ADGRE2: variants seen among roughly 807,000 people sequenced by gnomAD.
ADGRE2 encodes the protein adhesion G protein-coupled receptor E2.
ADGRE2 carries 83 observed loss-of-function variants against 100.8 expected under a neutral mutation model. The observed-to-expected ratio is 0.82, with a 90% confidence interval of 0.69 to 0.99. The LOEUF (loss-of-function observed/expected upper bound fraction) is 0.99. Among genes scored for constraint, ADGRE2 ranks in the 50% least tolerant of loss-of-function variants. The probability of loss-of-function intolerance (pLI) is 0.00; values close to 1 mark genes in which losing one functional copy is unlikely to be tolerated. For synonymous variants in ADGRE2, 355 were observed against 413.0 expected (o/e 0.86, Z 1.70); for missense variants, 814 against 1,035.7 (o/e 0.79, Z 2.94).
rs1167741751 is a variant in ADGRE2, at chr19:14,752,424, G to T, written c.1693C>A (p.Gln565Lys). The T allele has an allele frequency of 2.5e-6, 4 of 1,601,910 alleles. No homozygotes were observed. The East Asian group carries it at 8.9e-5, about 36-fold the overall frequency. The change falls in exon 15 of 21, where the codon CAG becomes AAG. Residue 565 changes from glutamine (Q) to lysine (K), a missense_variant. This residue lies in a region of ADGRE2 where 569 missense variants were observed against 692.7 expected (regional missense o/e 0.82). Coordinates refer to ENST00000315576, the MANE Select transcript of ADGRE2 (RefSeq NM_013447.4). ...ALTFLLCKAI[Q>K]NTSTSLHLQL... ...AGATGCAGTGAGGTGCTGGTGTTCT[G>T]GATGGCTTTACACAGGAGAAAAGTG...
At position 14,752,161 on chromosome 19, in the gene ADGRE2, G is replaced by A. The variant is rs549621790; in HGVS notation, c.1788+168C>T. ...TTGGTCAGGCTGGTCTCAAACTCCC[G>A]ACCTGAGGTGATCCGCCCACCTCAG... On this transcript the variant is annotated intron_variant, in intron 15 of 20. Transcript: ENST00000315576. 3.9e-5 allele frequency among the ~76,000 whole-genome samples: 6 copies of A among 151,988 alleles called. No individual in the cohort carries two copies. In the South Asian group the frequency reaches 6.2e-4, roughly 16 times the overall value.
chr19:14,725,826 G>A, the ADGRE2 span, among the ~76,000 whole-genome samples: 1 of 152,336 alleles, frequency 6.6e-6, no homozygotes, highest in African/African-American at 2.4e-5. Context: ...ATGGGTTGGA[G>A]TTGAGTGCCT....
chr19:14,775,475 T>TG (rs759168206), intron 2 of ADGRE2, among the ~76,000 whole-genome samples: 7 of 151,980 alleles, frequency 4.6e-5, no homozygotes, highest in Non-Finnish European at 8.8e-5. Flanking sequence ...ATGAGCCTGG[T>TG]GGGGGTCTCA....
At chr19:14,777,477 AAATT>A (rs111477669) in intron 1 of ADGRE2, among the ~76,000 whole-genome samples, 34 of 151,204 alleles carry the variant, frequency 2.2e-4, no homozygotes, top group East Asian at 1.4e-3. Context: ...CTTTCTTTTT[AAATT>A]AATTAATTAA....
At position 14,776,875 on chromosome 19, in the gene ADGRE2, AG is replaced by A. The variant is rs1017975819; in HGVS notation, c.-120del. 1.6e-5 allele frequency: 24 copies of A among 1,528,308 alleles called. No individual in the cohort carries two copies. The highest frequency in any genetic ancestry group is 1.7e-4 in the Middle Eastern group (1 of 5,818). The allele number at this position is 1,528,308 out of a possible 1,614,324, so 94.7% of individuals were successfully genotyped here. On this transcript the variant is annotated 5_prime_UTR_variant, in exon 2 of 21. Coordinates refer to ENST00000315576, the MANE Select transcript of ADGRE2 (RefSeq NM_013447.4). The stretch of plus-strand genomic sequence containing the variant: ...TCCCGAGGCCAGGACTTTATAAAGG[AG>A]GGGGGGCGGACAGCCGCTGGCCCAG...
At chr19:14,756,126 C>T (rs745748015) in intron 12 of ADGRE2, 112 bp downstream of exon 12, 8 of 908,694 alleles carry the variant, frequency 8.8e-6, no homozygotes, top group Non-Finnish European at 1.4e-5. Context: ...TACAGCCCCA[C>T]TCCAAACATC....
intron 20 of ADGRE2, among the ~76,000 whole-genome samples, chr19:14,737,512 A>G (rs905281096): frequency 3.3e-5 from 5 of 152,044 alleles, no homozygotes; most frequent in Non-Finnish European, 7.4e-5. Context: ...CTTTAATCAT[A>G]AGGTTTTCTT....
chr19:14,776,821 C>A lies in ADGRE2; in HGVS notation c.-65G>T. 1 of 1,604,978 alleles carries A rather than the reference C, an allele frequency of 6.2e-7. No homozygotes were observed. Among genetic ancestry groups the A allele is most frequent in the Non-Finnish European group, 8.5e-7 (1 of 1,175,882 alleles). Reference sequence around the variant, plus strand: ...AGTGAGTGGGACAGGGCTGTCCCGTCTCCGCAGGCTGGGCAGCTGTGCGGG... The same window carrying A: ...AGTGAGTGGGACAGGGCTGTCCCGTATCCGCAGGCTGGGCAGCTGTGCGGG... On this transcript the variant is annotated 5_prime_UTR_variant, in exon 2 of 21. Transcript: ENST00000315576.
At chr19:14,747,020 G>A in intron 16 of ADGRE2, 58 bp from the exon 17 acceptor site, 4 of 1,410,506 alleles carry the variant, frequency 2.8e-6, no homozygotes, top group Non-Finnish European at 4.0e-6. Flanking sequence ...GAACAGTTAT[G>A]TAAATCTATT....
intron 18 of ADGRE2, among the ~76,000 whole-genome samples, chr19:14,744,709 C>T (rs2043033919): frequency 6.6e-6 from 1 of 152,026 alleles, no homozygotes; most frequent in Non-Finnish European, 1.5e-5. Context: ...CCTACCTCGG[C>T]CTCCCAAAGT....
chr19:14,769,640 C>A (rs1416498133), intron 5 of ADGRE2, among the ~76,000 whole-genome samples: 1 of 152,182 alleles, frequency 6.6e-6, no homozygotes, highest in African/African-American at 2.4e-5. Flanking sequence ...GCCTATCCAC[C>A]AACTAAGCCC....
rs1202912647 is a variant in ADGRE2, at chr19:14,743,687, A to T, written c.2281T>A (p.Tyr761Asn). The change falls in exon 19 of 21, where the codon TAC becomes AAC. Residue 761 changes from tyrosine to asparagine, a missense_variant. Tyr to Asn is a moderately radical substitution (Grantham distance 143). This residue lies in a region of ADGRE2 where 569 missense variants were observed against 692.7 expected (regional missense o/e 0.82). Transcript: ENST00000315576. ...AGGCTGTTGATGATGGTGAAGAGGT[A>T]GGCCATGACCCGGGCAGCCGGACCC... The part of the protein sequence containing the change: ...QVGPAARVMA[Y>N]LFTIINSLQG... 3.1e-6 allele frequency: 5 copies of T among 1,614,074 alleles called. No individual in the cohort carries two copies. Among genetic ancestry groups the T allele is most frequent in the Non-Finnish European group, 2.5e-6 (3 of 1,180,028 alleles).
At chr19:14,752,273 G>A in intron 15 of ADGRE2, 56 bp downstream of exon 15, 1 of 1,601,228 alleles carries the variant, frequency 6.2e-7, no homozygotes, top group Non-Finnish European at 8.5e-7. Context: ...ATCATTCCAT[G>A]AGCCAGCGTG....
At chr19:14,727,112 C>T in the ADGRE2 span, among the ~76,000 whole-genome samples, 4 of 149,870 alleles carry the variant, frequency 2.7e-5, no homozygotes, top group East Asian at 7.8e-4. Context: ...ACTACAAGCT[C>T]CGCCTCCTGG....
chr19:14,758,892 A>T lies in ADGRE2; in HGVS notation c.1085-2547T>A. 1.3e-5 allele frequency among the ~76,000 whole-genome samples: 2 copies of T among 151,610 alleles called. 1 individual carries two copies. Among genetic ancestry groups the T allele is most frequent in the Non-Finnish European group, 2.9e-5 (2 of 67,874 alleles). On this transcript the variant is annotated intron_variant, in intron 11 of 20. Coordinates refer to ENST00000315576, the MANE Select transcript of ADGRE2 (RefSeq NM_013447.4). ...ACAGCACGACTCCGTCTCAAAAAAA[A>T]AAAAAGGAAAAAGAGAATAACTCCC... is the stretch of plus-strand genomic sequence containing the variant.
chr19:14,754,932 C>T, intron 14 of ADGRE2, 22 bp downstream of exon 14: 1 of 1,608,816 alleles, frequency 6.2e-7, no homozygotes, highest in Non-Finnish European at 8.5e-7. Context: ...ATGCAGAGTG[C>T]ATCCCCTCCT....
intron 20 of ADGRE2, among the ~76,000 whole-genome samples, chr19:14,737,527 T>C (rs2042792593): frequency 6.6e-6 from 1 of 152,022 alleles, no homozygotes; most frequent in Non-Finnish European, 1.5e-5. Flanking sequence ...TTTCTTACCA[T>C]ATGTATTTGT....
chr19:14,769,878 G>T (rs1023610659), intron 5 of ADGRE2, among the ~76,000 whole-genome samples: 12 of 151,800 alleles, frequency 7.9e-5, no homozygotes, highest in Non-Finnish European at 1.2e-4. Flanking sequence ...TTTTGTATTT[G>T]TAGTAGAGAC....
rs2043439626 is a variant in ADGRE2, at chr19:14,755,007, G to A, written c.1537C>T (p.Arg513Cys). Reference sequence around the variant, plus strand: ...GCAAAGCTGCTCAGGTGGGTGCAACGGCAGATGGTGCTGGTGTCTCTGGTG... The same window carrying A: ...GCAAAGCTGCTCAGGTGGGTGCAACAGCAGATGGTGCTGGTGTCTCTGGTG... The part of the protein sequence containing the change: ...IGTRDTSTIC[R>C]CTHLSSFAVL... Residue 513 changes from arginine (R) to cysteine (C), a missense_variant, in exon 14 of 21, where the codon CGT becomes TGT. This residue lies in a region of ADGRE2 where 569 missense variants were observed against 692.7 expected (regional missense o/e 0.82). Transcript: ENST00000315576. The A allele has an allele frequency of 4.3e-6, 7 of 1,614,120 alleles. No individual in the cohort carries two copies. The highest frequency in any genetic ancestry group is 4.5e-5 in the East Asian group (2 of 44,884).
Sources: gnomAD v4.1 joint callset for allele counts (sites outside exome capture counted in the v4.1 genomes callset) on GRCh38, gnomAD v4.1.1 for gene constraint, gnomAD v4.1.1 regional missense constraint, MANE v1.5 for transcripts, NCBI Gene and HGNC (gene_info 2026-07-23, HGNC 2026-07-21) for gene names.